ATP8A2: variants seen among roughly 807,000 people sequenced by gnomAD.
ATP8A2 encodes phospholipid-transporting ATPase IB.
A neutral mutation model predicts 165.6 loss-of-function variants in ATP8A2; 100 were observed. The observed-to-expected ratio is 0.60, with a 90% confidence interval of 0.51 to 0.71. The LOEUF is 0.71. Ranked by LOEUF, ATP8A2 falls within the 30% of genes least tolerant of loss-of-function variation. The probability of loss-of-function intolerance (pLI) is 0.00; values close to 1 mark genes in which losing one functional copy is unlikely to be tolerated. For missense variants in ATP8A2, 1,227 were observed against 1,479.5 expected (o/e 0.83, Z 2.80); for synonymous variants, 543 against 548.8 (o/e 0.99, Z 0.15).
chr13:25,372,063 G>A lies in ATP8A2; in HGVS notation c.-150G>A. 2.6e-6 allele frequency: 1 copy of A among 385,810 alleles called. No individual in the cohort carries two copies. The highest frequency in any genetic ancestry group is 4.1e-6 in the Non-Finnish European group (1 of 241,058). 23.9% of individuals were successfully genotyped at this position (385,810 alleles called of 1,614,324 possible). On this transcript the variant is annotated 5_prime_UTR_variant, in exon 1 of 37. Transcript: ENST00000381655. The surrounding 1 kb of genome is among the most constrained non-coding windows in gnomAD (Gnocchi z 4.8). ...GCACGGACGGCGCAGCCTCGGGCGCGGCCCGGCACAGGCGCCGGCGGTCCC... is the reference window on the plus strand; with the variant it reads ...GCACGGACGGCGCAGCCTCGGGCGCAGCCCGGCACAGGCGCCGGCGGTCCC...
intron 33 of ATP8A2, among the ~76,000 whole-genome samples, chr13:25,954,880 C>CA (rs2139163234): frequency 6.6e-6 from 1 of 152,266 alleles, no homozygotes; most frequent in Admixed American, 6.5e-5. Context: ...GATAAATCCA[C>CA]AAAGATGAGG....
At position 25,845,054 on chromosome 13, in the gene ATP8A2, T is replaced by C. The variant is rs146838598; in HGVS notation, c.2956+5430T>C. Among the ~76,000 whole-genome samples, 8 of 152,374 alleles carry C rather than the reference T, an allele frequency of 5.3e-5. No homozygotes were observed. The East Asian group carries it at 1.2e-3, about 22-fold the overall frequency. On this transcript the variant is annotated intron_variant, in intron 30 of 36. Coordinates refer to ENST00000381655, the MANE Select transcript of ATP8A2 (RefSeq NM_016529.6). Reference sequence around the variant, plus strand: ...ACTCCTTTGCTGATGGAGTTTGTGATGATTCATTTCAAATTTCAAAATAAA... The same window carrying C: ...ACTCCTTTGCTGATGGAGTTTGTGACGATTCATTTCAAATTTCAAAATAAA...
intron 36 of ATP8A2, among the ~76,000 whole-genome samples, chr13:26,017,322 A>G (rs567397590): frequency 5.3e-5 from 8 of 152,312 alleles, no homozygotes; most frequent in Admixed American, 4.6e-4. Flanking sequence ...GTTCCTTGTT[A>G]AAGAACTGGA....
intron 1 of ATP8A2, among the ~76,000 whole-genome samples, chr13:25,430,416 G>A (rs542746579): frequency 6.6e-6 from 1 of 152,268 alleles, no homozygotes; most frequent in East Asian, 1.9e-4. Context: ...AGTTTTGTAG[G>A]AGCAGGAGTG....
In ATP8A2 at chr13:25,947,452, G is replaced by T. The variant is rs138141551; in HGVS notation, c.3184-14123G>T. Among the ~76,000 whole-genome samples, 291 of 152,304 alleles carry T rather than the reference G, an allele frequency of 1.9e-3. 2 individuals carry two copies. The highest frequency in any genetic ancestry group is 2.8e-3 in the Non-Finnish European group (190 of 68,032). ...TGGTGAGGCCCGCTGTGGGGTGGGA[G>T]AAGTCTTTACCGTCATCAGTGACAA... On this transcript the variant is annotated intron_variant, in intron 33 of 36. Coordinates refer to ENST00000381655, the MANE Select transcript of ATP8A2 (RefSeq NM_016529.6).
At position 25,673,853 on chromosome 13, in the gene ATP8A2, G is replaced by A. The variant is rs551132107; in HGVS notation, c.2212-25320G>A. On this transcript the variant is annotated intron_variant, in intron 24 of 36. Transcript: ENST00000381655. ...TTAGACTTGGCTCTGCACAGGGAAA[G>A]GAGGGGAAAAAGAAACAATTTTAGG... Among the ~76,000 whole-genome samples the A allele has an allele frequency of 6.6e-5, 10 of 152,258 alleles. No individual in the cohort carries two copies. The East Asian group carries it at 1.9e-3, about 29-fold the overall frequency.
chr13:25,747,735 A>G (rs948548175), intron 25 of ATP8A2, among the ~76,000 whole-genome samples: 2 of 152,190 alleles, frequency 1.3e-5, no homozygotes, highest in Non-Finnish European at 2.9e-5. Context: ...AATCCCCCGA[A>G]GTATGGATCA....
At chr13:25,477,466 G>T (rs1566165474) in intron 2 of ATP8A2, among the ~76,000 whole-genome samples, 2 of 152,230 alleles carry the variant, frequency 1.3e-5, no homozygotes, top group Non-Finnish European at 2.9e-5. Context: ...GAACAGAAAA[G>T]ACATTGGTGG....
chr13:25,628,325 A>G (rs1031872326), intron 24 of ATP8A2, among the ~76,000 whole-genome samples: 1 of 152,152 alleles, frequency 6.6e-6, no homozygotes, highest in Non-Finnish European at 1.5e-5. Flanking sequence ...GCTTTGCTTT[A>G]CCCTTTATGT....
rs1180803413 is a variant in ATP8A2, at chr13:25,372,195, GC to G, written c.-13del. On this transcript the variant is annotated 5_prime_UTR_variant, in exon 1 of 37. Coordinates refer to ENST00000381655, the MANE Select transcript of ATP8A2 (RefSeq NM_016529.6). This position sits in a 1 kb window ranked among gnomAD's most constrained non-coding sequence, Gnocchi z 4.8. ...TCCGTCTCTCGCCCGGGGCCGCCGAGCCCCCGACACGGGCGAGATGCTGAAC... is the reference window on the plus strand; with the variant it reads ...TCCGTCTCTCGCCCGGGGCCGCCGAGCCCCGACACGGGCGAGATGCTGAAC... 13 of 1,423,496 alleles carry G rather than the reference GC, an allele frequency of 9.1e-6. No individual in the cohort carries two copies. The highest frequency in any genetic ancestry group is 5.7e-5 in the South Asian group (4 of 70,088). The allele number at this position is 1,423,496 out of a possible 1,614,324, so 88.2% of individuals were successfully genotyped here.
chr13:25,574,245 C>T (rs1381068359), intron 18 of ATP8A2, among the ~76,000 whole-genome samples: 1 of 152,242 alleles, frequency 6.6e-6, no homozygotes, highest in African/African-American at 2.4e-5. Flanking sequence ...GATTCACCAT[C>T]TCTTATCTGC....
At chr13:25,492,796 A>G (rs886082357) in intron 2 of ATP8A2, among the ~76,000 whole-genome samples, 2 of 152,166 alleles carry the variant, frequency 1.3e-5, no homozygotes, top group African/African-American at 2.4e-5. Flanking sequence ...TTGTTATTAC[A>G]GTGACCGCAG....
chr13:25,990,474 G>A (rs1259854079), intron 35 of ATP8A2, among the ~76,000 whole-genome samples: 3 of 152,186 alleles, frequency 2.0e-5, no homozygotes, highest in Admixed American at 1.3e-4. Context: ...ACTTGTCCAC[G>A]GGAAGAACAT....
intron 33 of ATP8A2, among the ~76,000 whole-genome samples, chr13:25,881,990 C>T (rs1401908927): frequency 6.6e-6 from 1 of 152,082 alleles, no homozygotes; most frequent in East Asian, 1.9e-4. Flanking sequence ...GCAGGCTGAC[C>T]ACTGGGGCAA....
chr13:25,691,730 A>G (rs9551219), intron 24 of ATP8A2, among the ~76,000 whole-genome samples: 19,209 of 152,264 alleles, frequency 0.13, 1,380 homozygotes, highest in Admixed American at 0.2. Context: ...TATGGACTTT[A>G]AATTTAGGGA....
In ATP8A2 at chr13:25,860,968, C is replaced by T. The variant is rs564718210; in HGVS notation, c.3075+108C>T. 7 of 774,258 alleles carry T rather than the reference C, an allele frequency of 9.0e-6. No homozygotes were observed. In the South Asian group the frequency reaches 1.2e-4, roughly 13 times the overall value. The allele number at this position is 774,258 out of a possible 1,614,324, so 48.0% of individuals were successfully genotyped here. ...TAAGCAATATCTGGCTATCTTCTTT[C>T]AGATTTTCTGTGTAAAAATTGTGGT... On this transcript the variant is annotated intron_variant, in intron 32 of 36. Transcript: ENST00000381655.
intron 1 of ATP8A2, among the ~76,000 whole-genome samples, chr13:25,463,160 T>G (rs2137489358): frequency 6.6e-6 from 1 of 150,844 alleles, no homozygotes; most frequent in Non-Finnish European, 1.5e-5. Flanking sequence ...ATGAAACTTT[T>G]TTGCCAGGGA....
intron 33 of ATP8A2, among the ~76,000 whole-genome samples, chr13:25,936,466 G>A (rs773977003): frequency 6.6e-6 from 1 of 152,160 alleles, no homozygotes. Context: ...GTATCAGGAC[G>A]CAAAACAAAT....
intron 30 of ATP8A2, among the ~76,000 whole-genome samples, chr13:25,846,877 C>T (rs1349504076): frequency 2.6e-5 from 4 of 152,096 alleles, no homozygotes; most frequent in South Asian, 2.1e-4. Context: ...GTCCTAAACC[C>T]GCCAGGAGAA....
Sources: allele counts gnomAD v4.1 joint callset (sites outside exome capture counted in the v4.1 genomes callset), GRCh38; gene constraint gnomAD v4.1.1; non-coding constraint Gnocchi (gnomAD v3.1); transcripts MANE v1.5; gene names NCBI Gene and HGNC (gene_info 2026-07-23, HGNC 2026-07-21).